Variants in CNTN6 observed in about 807,000 individuals in gnomAD.
CNTN6 encodes contactin 6.
A neutral mutation model predicts 122.8 loss-of-function variants in CNTN6; 137 were observed. That is an observed-to-expected ratio of 1.12 (90% CI 0.97 to 1.29). CNTN6 has a LOEUF of 1.29. CNTN6 is among the 50% of genes most tolerant of loss of function. CNTN6 has a pLI of 0.00. For synonymous variants in CNTN6, 570 were observed against 426.0 expected (o/e 1.34, Z -4.16); for missense variants, 1,634 against 1,223.4 (o/e 1.34, Z -5.01).
At chr3:1,109,662 A>T (rs1433729751) in intron 1 of CNTN6, among the ~76,000 whole-genome samples, 1 of 152,050 alleles carries the variant, frequency 6.6e-6, no homozygotes, top group Non-Finnish European at 1.5e-5. Context: ...ATTTGCAAAG[A>T]TTTAGTTATA....
intron 7 of CNTN6, among the ~76,000 whole-genome samples, chr3:1,308,953 T>C (rs1698804445): frequency 6.6e-6 from 1 of 152,198 alleles, no homozygotes. Context: ...CGTCTGCTTA[T>C]ATCTTTTCTA....
rs544755962 is a variant in CNTN6, at chr3:1,138,354, T to C, written c.-82-9573T>C. ...ACACTATAGAATTTTATTCTCTGCTTTTTTTTTTTCCAAACTTGAATTGAA... is the reference window on the plus strand; with the variant it reads ...ACACTATAGAATTTTATTCTCTGCTCTTTTTTTTTCCAAACTTGAATTGAA... On this transcript the variant is annotated intron_variant, in intron 1 of 22. Transcript: ENST00000446702. Among the ~76,000 whole-genome samples, 204 of 133,104 alleles carry C rather than the reference T, an allele frequency of 1.5e-3. 4 individuals are homozygous for C. The South Asian group carries it at 0.019, about 12-fold the overall frequency. The allele number at this position is 133,104 out of a possible 152,430, so 87.3% of individuals were successfully genotyped here. A position where few individuals can be genotyped will look rare whatever the true frequency, so the allele number is the denominator to read the frequency against.
intron 6 of CNTN6, 106 bp from the exon 7 acceptor site, chr3:1,297,783 T>C: frequency 1.2e-6 from 1 of 809,948 alleles, no homozygotes; most frequent in Non-Finnish European, 2.0e-6. Context: ...CTGAAAACCC[T>C]AACTCTTATT....
intron 12 of CNTN6, among the ~76,000 whole-genome samples, chr3:1,365,523 A>T (rs1367109309): frequency 6.6e-6 from 1 of 152,014 alleles, no homozygotes; most frequent in East Asian, 1.9e-4. Flanking sequence ...ATTTCCGGAC[A>T]TTGTTTCTCA....
intron 1 of CNTN6, among the ~76,000 whole-genome samples, chr3:1,118,835 A>T (rs2091832918): frequency 6.6e-6 from 1 of 152,028 alleles, no homozygotes; most frequent in African/African-American, 2.4e-5. Context: ...TGTTAATAAG[A>T]TGGCTGCTTT....
chr3:1,118,542 A>G (rs937890607), intron 1 of CNTN6, among the ~76,000 whole-genome samples: 1 of 152,178 alleles, frequency 6.6e-6, no homozygotes, highest in Non-Finnish European at 1.5e-5. Context: ...TTTTTCAACT[A>G]TCATTCATCT....
At chr3:1,246,576 A>G (rs999822955) in intron 4 of CNTN6, among the ~76,000 whole-genome samples, 1 of 152,202 alleles carries the variant, frequency 6.6e-6, no homozygotes, top group South Asian at 2.1e-4. Context: ...GAAATTGGGC[A>G]TGCATATGAC....
intron 2 of CNTN6, among the ~76,000 whole-genome samples, chr3:1,175,803 G>C (rs2093438683): frequency 6.9e-6 from 1 of 144,292 alleles, no homozygotes; most frequent in African/African-American, 2.4e-5. Context: ...GACTCTTGCT[G>C]TAGCAACAGA....
intron 1 of CNTN6, among the ~76,000 whole-genome samples, chr3:1,093,551 G>A (rs2090352423): frequency 6.6e-6 from 1 of 151,352 alleles, no homozygotes; most frequent in Non-Finnish European, 1.5e-5. Context: ...TAATCAAAGG[G>A]ATGAGGGGTG....
intron 20 of CNTN6, among the ~76,000 whole-genome samples, chr3:1,387,022 T>C (rs1693101258): frequency 6.6e-6 from 1 of 151,128 alleles, no homozygotes; most frequent in Non-Finnish European, 1.5e-5. Flanking sequence ...AACTGTCAGA[T>C]ATTCATGTTC....
chr3:1,402,879 A>T lies in CNTN6; in HGVS notation c.2986+393A>T, dbSNP rs190418515. On this transcript the variant is annotated intron_variant, in intron 22 of 22. Transcript: ENST00000446702. ...TCCCATGTTCATGGCAGACATCACT[A>T]ATCAAGTGTGGCTTTCATAAGGAGC... The T allele has an allele frequency of 2.5e-4, 48 of 192,986 alleles. No homozygotes were observed. The East Asian group carries it at 6.3e-3, about 25-fold the overall frequency. The allele number at this position is 192,986 out of a possible 1,614,324, so 12.0% of individuals were successfully genotyped here.
At chr3:1,153,492 T>C (rs888850199) in intron 2 of CNTN6, among the ~76,000 whole-genome samples, 1 of 152,178 alleles carries the variant, frequency 6.6e-6, no homozygotes, top group African/African-American at 2.4e-5. Context: ...AACACTAAAA[T>C]AAAGTTGTTT....
chr3:1,165,716 A>G (rs1161744564), intron 2 of CNTN6, among the ~76,000 whole-genome samples: 6 of 152,186 alleles, frequency 3.9e-5, no homozygotes, highest in African/African-American at 1.4e-4. Flanking sequence ...GTGCATTACT[A>G]TTGTTTCCAT....
rs1003478233 is a variant in CNTN6, at chr3:1,332,780, C to T, written c.1364+2845C>T. Among the ~76,000 whole-genome samples the T allele has an allele frequency of 4.6e-5, 7 of 152,026 alleles. No individual in the cohort carries two copies. In the South Asian group the frequency reaches 8.3e-4, roughly 18 times the overall value. On this transcript the variant is annotated intron_variant, in intron 11 of 22. Transcript: ENST00000446702. ...GAGAAAGTCAAATGGTTTCTTCAAG[C>T]CTGTTCAGGCCCAAGGTTGATTATT...
intron 19 of CNTN6, among the ~76,000 whole-genome samples, chr3:1,384,469 G>C (rs1353392664): frequency 6.6e-6 from 1 of 151,888 alleles, no homozygotes. Flanking sequence ...GCTATTTTTA[G>C]TCTATGAAGA....
chr3:1,248,280 G>A (rs2094608764), intron 4 of CNTN6, among the ~76,000 whole-genome samples: 1 of 151,996 alleles, frequency 6.6e-6, no homozygotes, highest in Admixed American at 6.6e-5. Context: ...TAGCAGTGAG[G>A]GAATAATGGG....
At chr3:1,190,517 T>C (rs951767533) in intron 2 of CNTN6, among the ~76,000 whole-genome samples, 7 of 152,142 alleles carry the variant, frequency 4.6e-5, no homozygotes, top group African/African-American at 1.4e-4. Flanking sequence ...CATGGTTGAG[T>C]TGTTTGACAG....
intron 1 of CNTN6, among the ~76,000 whole-genome samples, chr3:1,110,639 A>T (rs1178140405): frequency 6.6e-6 from 1 of 152,138 alleles, no homozygotes; most frequent in Non-Finnish European, 1.5e-5. Flanking sequence ...CTTAATATTC[A>T]GCAGCCCTGA....
chr3:1,161,948 C>A (rs1302985246), intron 2 of CNTN6, among the ~76,000 whole-genome samples: 1 of 151,796 alleles, frequency 6.6e-6, no homozygotes, highest in Non-Finnish European at 1.5e-5. Context: ...AGAATTAGTA[C>A]TAAATTGAAG....
Sources: allele counts gnomAD v4.1 joint callset (sites outside exome capture counted in the v4.1 genomes callset), GRCh38; gene constraint gnomAD v4.1.1; transcripts MANE v1.5; gene names NCBI Gene and HGNC (gene_info 2026-07-23, HGNC 2026-07-21).